Variants in WAPL observed in about 807,000 individuals in gnomAD.
WAPL encodes wings apart-like protein homolog.
Under a neutral mutation model 121.0 loss-of-function variants are expected in WAPL, and 5 were observed. That is an observed-to-expected ratio of 0.04 (90% confidence interval 0.02 to 0.09). The LOEUF is 0.09. Among genes scored for constraint, WAPL ranks in the 10% least tolerant of loss-of-function variants. The probability of loss-of-function intolerance (pLI) is 1.00; values close to 1 mark genes in which losing one functional copy is unlikely to be tolerated. For missense variants in WAPL, 999 were observed against 1,410.8 expected (o/e 0.71, Z 4.68); for synonymous variants, 480 against 481.5 (o/e 1.00, Z 0.04).
chr10:86,517,016 G>C (rs1842567714), intron 2 of WAPL, among the ~76,000 whole-genome samples: 1 of 151,878 alleles, frequency 6.6e-6, no homozygotes, highest in Admixed American at 6.6e-5. Flanking sequence ...CTGGGAGGCG[G>C]AGCCAGCATG....
chr10:86,482,239 G>A (rs1841807261), intron 4 of WAPL, among the ~76,000 whole-genome samples: 1 of 152,120 alleles, frequency 6.6e-6, no homozygotes, highest in Admixed American at 6.5e-5. Flanking sequence ...AGAACCCTGG[G>A]CTCTCACTGT....
intron 8 of WAPL, among the ~76,000 whole-genome samples, chr10:86,468,824 G>C (rs536741405): frequency 8.8e-4 from 134 of 152,182 alleles, no homozygotes; most frequent in Middle Eastern, 3.4e-3. Flanking sequence ...AATTAGGCCG[G>C]GCGCAGTGGC....
intron 15 of WAPL, among the ~76,000 whole-genome samples, chr10:86,448,736 T>A (rs1564562802): frequency 1.3e-5 from 2 of 152,100 alleles, no homozygotes; most frequent in Non-Finnish European, 2.9e-5. Context: ...CACCTCAGCC[T>A]CCCAAATAGC....
chr10:86,446,066 C>G (rs1286039537), intron 16 of WAPL, among the ~76,000 whole-genome samples, 176 bp downstream of exon 16: 1 of 152,174 alleles, frequency 6.6e-6, no homozygotes, highest in Admixed American at 6.5e-5. Context: ...ACGCACCTTC[C>G]TCACTGTGGG....
intron 9 of WAPL, among the ~76,000 whole-genome samples, chr10:86,465,532 G>A (rs949598974): frequency 6.6e-6 from 1 of 152,130 alleles, no homozygotes; most frequent in Admixed American, 6.6e-5. Context: ...TCTGTTCTGG[G>A]AAAGCCTCTA....
chr10:86,491,299 A>G (rs1333419250), intron 4 of WAPL, among the ~76,000 whole-genome samples: 1 of 150,970 alleles, frequency 6.6e-6, no homozygotes, highest in African/African-American at 2.4e-5. Flanking sequence ...GCCACCACAC[A>G]TGGCTAATTT....
Position 86,499,638 on chromosome 10 carries a change from G to A in WAPL, c.1525+80C>T, listed in dbSNP as rs569178879. 4.4e-5 allele frequency: 62 copies of A among 1,419,290 alleles called. 1 individual carries two copies. The African/African-American group carries it at 6.6e-4, about 15-fold the overall frequency. The allele number at this position is 1,419,290 out of a possible 1,614,324, so 87.9% of individuals were successfully genotyped here. A position where few individuals can be genotyped will look rare whatever the true frequency, so the allele number is the denominator to read the frequency against. The stretch of plus-strand genomic sequence containing the variant: ...TCTTTTCAGAATATGGTTGACCTTG[G>A]GTAATTGAAACCACAGAAAGTGAAA... On this transcript the variant is annotated intron_variant, in intron 3 of 18. Transcript: ENST00000298767.
At position 86,517,778 on chromosome 10, in the gene WAPL, A is replaced by C. The variant is rs1172161864; in HGVS notation, c.292T>G (p.Ser98Ala). Residue 98 changes from serine to alanine, a missense_variant, in exon 2 of 19, where the codon TCA becomes GCA. Ser to Ala is a moderately conservative substitution (Grantham distance 99, BLOSUM62 1). Transcript: ENST00000298767. ...AACTGAGCAGCTTCACTAGATTCTG[A>C]ATAAGAGGAACACTTAACCTGGGCT... ...NLAQVKCSSY[S>A]ESSEAAQLEE... 6.2e-7 allele frequency: 1 copy of C among 1,614,188 alleles called. No homozygotes were observed. Among genetic ancestry groups the C allele is most frequent in the Non-Finnish European group, 8.5e-7 (1 of 1,180,034 alleles).
chr10:86,443,020 G>A (rs573516347), intron 17 of WAPL, among the ~76,000 whole-genome samples: 22 of 137,212 alleles, frequency 1.6e-4, no homozygotes, highest in African/African-American at 6.0e-4. Context: ...TCCAGCCTGG[G>A]TGACAGAACG....
At position 86,500,346 on chromosome 10, in the gene WAPL, G is replaced by A. The variant is rs111743653; in HGVS notation, c.897C>T (p.Ala299=). 1 of 1,614,136 alleles carries A rather than the reference G, an allele frequency of 6.2e-7. No homozygotes were observed. Among genetic ancestry groups the A allele is most frequent in the South Asian group, 1.1e-5 (1 of 91,084 alleles). Residue 299 remains alanine (A), a synonymous_variant, in exon 3 of 19, where the codon GCC becomes GCT. Transcript: ENST00000298767. The part of the protein sequence containing the change: ...RPTNCRTYCR[A]NKTKSSQGAS... ...CTCCTTGGGAGGATTTCGTTTTATT[G>A]GCCCTACAGTACGTCCTACAGTTGG...
chr10:86,473,851 C>T, intron 5 of WAPL, 27 bp downstream of exon 5: 1 of 1,544,586 alleles, frequency 6.5e-7, no homozygotes, highest in African/African-American at 1.4e-5. Context: ...TTAAAAAACA[C>T]AAAATAAATA....
At chr10:86,451,779 G>A (rs1840986783) in intron 15 of WAPL, among the ~76,000 whole-genome samples, 188 bp downstream of exon 15, 1 of 152,008 alleles carries the variant, frequency 6.6e-6, no homozygotes, top group South Asian at 2.1e-4. Flanking sequence ...TTGGTCAGGT[G>A]TAAAACAGTC....
chr10:86,477,587 G>A (rs1240120455), intron 4 of WAPL, among the ~76,000 whole-genome samples: 1 of 152,172 alleles, frequency 6.6e-6, no homozygotes, highest in Non-Finnish European at 1.5e-5. Flanking sequence ...TGGATCACCT[G>A]AGGTCAGGAG....
chr10:86,507,054 G>C (rs1307725211), intron 2 of WAPL, among the ~76,000 whole-genome samples: 1 of 147,478 alleles, frequency 6.8e-6, no homozygotes, highest in East Asian at 2.0e-4. Context: ...AAATAAGTAA[G>C]GAAAGATTTA....
intron 17 of WAPL, among the ~76,000 whole-genome samples, chr10:86,440,981 C>T (rs927923622): frequency 6.6e-5 from 10 of 151,904 alleles, no homozygotes; most frequent in African/African-American, 2.4e-4. Context: ...GCATGAGTTC[C>T]TGCTCAAATA....
At chr10:86,453,532 AG>A in intron 13 of WAPL, 123 bp downstream of exon 13, 1 of 1,259,544 alleles carries the variant, frequency 7.9e-7, no homozygotes, top group Non-Finnish European at 1.1e-6. Context: ...CCTACACATG[AG>A]TAAGTCAAGT....
intron 17 of WAPL, among the ~76,000 whole-genome samples, chr10:86,439,594 G>A (rs1849411542): frequency 6.6e-6 from 1 of 152,176 alleles, no homozygotes. Context: ...ATACAGCATG[G>A]CCTATTTGAA....
intron 4 of WAPL, among the ~76,000 whole-genome samples, chr10:86,493,403 G>A: frequency 6.6e-6 from 1 of 152,034 alleles, no homozygotes; most frequent in East Asian, 1.9e-4. Context: ...ATATTATAGA[G>A]AGGGAGAAAG....
intron 4 of WAPL, among the ~76,000 whole-genome samples, chr10:86,475,620 A>T (rs77744781): frequency 6.6e-6 from 1 of 152,382 alleles, no homozygotes; most frequent in East Asian, 1.9e-4. Flanking sequence ...GCAATCTGAA[A>T]CAATTTATGC....
Sources: allele counts gnomAD v4.1 joint callset (sites outside exome capture counted in the v4.1 genomes callset), GRCh38; gene constraint gnomAD v4.1.1; transcripts MANE v1.5; gene names NCBI Gene and HGNC (gene_info 2026-07-23, HGNC 2026-07-21).